The following ARID4A variants were observed in gnomAD, a reference collection of about 807,000 sequenced individuals.
ARID4A encodes the protein AT-rich interaction domain 4A, also known as AT-rich interactive domain-containing protein 4A.
In ARID4A, 39 loss-of-function variants were observed where a neutral mutation model predicts 148.6. The observed-to-expected ratio is 0.26, with a 90% CI of 0.20 to 0.34. The LOEUF is 0.34. Ranked by LOEUF, ARID4A falls within the 10% of genes least tolerant of loss-of-function variation. ARID4A has a pLI of 1.00. For missense variants in ARID4A, 1,265 were observed against 1,449.1 expected, an observed-to-expected ratio of 0.87 and a Z score of 2.06; for synonymous variants, 475 against 481.2, an observed-to-expected ratio of 0.99 and a Z score of 0.17.
intron 5 of ARID4A, among the ~76,000 whole-genome samples, chr14:58,314,475 T>A (rs2032271222): frequency 6.6e-6 from 1 of 152,346 alleles, no homozygotes; most frequent in East Asian, 1.9e-4. Context: ...TTGCCCAGGC[T>A]GGACTGCAGT....
chr14:58,358,793 T>C (rs375836285), intron 17 of ARID4A, among the ~76,000 whole-genome samples: 3 of 152,338 alleles, frequency 2.0e-5, no homozygotes, highest in Admixed American at 2.0e-4. Flanking sequence ...ACGAATTCTA[T>C]TGCAGATCTG....
At chr14:58,359,288 A>G (rs2035028368) in intron 18 of ARID4A, 72 bp downstream of exon 18, 1 of 1,419,182 alleles carries the variant, frequency 7.0e-7, no homozygotes. Flanking sequence ...GTTTTTTAAG[A>G]CTTTAAGAAC....
chr14:58,312,312 G>C (rs1234824706), intron 5 of ARID4A, among the ~76,000 whole-genome samples: 1 of 151,690 alleles, frequency 6.6e-6, no homozygotes, highest in Non-Finnish European at 1.5e-5. Context: ...CACCTCCCAG[G>C]TTCAAATGAT....
rs983746501 is a variant in ARID4A at position 58,300,693 on chromosome 14, A to G, written c.6+833A>G. Among the ~76,000 whole-genome samples, 3 of 152,156 alleles carry G rather than the reference A, an allele frequency of 2.0e-5. No individual in the cohort carries two copies. The South Asian group carries it at 6.2e-4, about 31-fold the overall frequency. ...TCTTTAATATTACTTGGGAAAACTTATTAGAAAACAAAAAATCATTTTCTA... is the reference window on the plus strand; with the variant it reads ...TCTTTAATATTACTTGGGAAAACTTGTTAGAAAACAAAAAATCATTTTCTA... On this transcript the variant is annotated intron_variant, in intron 2 of 23. Transcript: ENST00000355431.
intron 11 of ARID4A, among the ~76,000 whole-genome samples, chr14:58,342,851 T>C (rs2034179363): frequency 6.6e-6 from 1 of 152,022 alleles, no homozygotes. Flanking sequence ...AGGCAGAGGG[T>C]TGCACTGAGC....
At position 58,365,022 on chromosome 14, in the gene ARID4A, T is replaced by C. The variant is rs1237933036; in HGVS notation, c.2933T>C (p.Val978Ala). The C allele has an allele frequency of 6.2e-6, 10 of 1,614,160 alleles. No homozygotes were observed. Among genetic ancestry groups the C allele is most frequent in the Non-Finnish European group, 7.6e-6 (9 of 1,180,018 alleles). Reference sequence around the variant, plus strand: ...AAGGATAAGACCAGCATTGAGGATGTAGCAGTTGAAAGCTCTGAGTCTAAC... The same window carrying C: ...AAGGATAAGACCAGCATTGAGGATGCAGCAGTTGAAAGCTCTGAGTCTAAC... ...DEKDKTSIEDVAVESSESNSL... is the reference protein window; with the variant it reads ...DEKDKTSIEDAAVESSESNSL... Residue 978 changes from valine to alanine, a missense_variant, in exon 20 of 24, where the codon GTA becomes GCA. Around this residue, in one of 9 missense-constraint regions of ARID4A, gnomAD observed 666 missense variants for 730.9 expected, o/e 0.91. Coordinates refer to ENST00000355431, the MANE Select transcript of ARID4A (RefSeq NM_002892.4).
chr14:58,353,219 A>T (rs1379713239), intron 16 of ARID4A, among the ~76,000 whole-genome samples: 1 of 152,194 alleles, frequency 6.6e-6, no homozygotes, highest in Non-Finnish European at 1.5e-5. Flanking sequence ...TTTTTTACAT[A>T]CAAGGTGGCA....
chr14:58,370,784 T>A (rs1477076521), intron 23 of ARID4A, among the ~76,000 whole-genome samples: 1 of 150,454 alleles, frequency 6.6e-6, no homozygotes. Flanking sequence ...AATTTTTTAG[T>A]TTTTTTTGTA....
Position 58,372,309 on chromosome 14 carries a change from C to T in ARID4A, c.*320C>T. 3.4e-6 allele frequency: 1 copy of T among 290,328 alleles called. No homozygotes were observed. Among genetic ancestry groups the T allele is most frequent in the Non-Finnish European group, 6.4e-6 (1 of 155,284 alleles). 18.0% of individuals were successfully genotyped at this position (290,328 alleles called of 1,614,324 possible). A position where few individuals can be genotyped will look rare whatever the true frequency, so the allele number is the denominator to read the frequency against. Reference sequence around the variant, plus strand: ...TGTATAATAAAGCTTTCAGGTGTTACAGAAATCGTAGACAAGCAAGTGCAC... The same window carrying T: ...TGTATAATAAAGCTTTCAGGTGTTATAGAAATCGTAGACAAGCAAGTGCAC... On this transcript the variant is annotated 3_prime_UTR_variant, in exon 24 of 24. Coordinates refer to ENST00000355431, the MANE Select transcript of ARID4A (RefSeq NM_002892.4).
rs1366425563 is a variant in ARID4A, at chr14:58,329,580, G to A, written c.715G>A (p.Glu239Lys). Reference sequence around the variant, plus strand: ...GGAAGTAGACATTCTCAATCTACCGGAATCTGAGCTCTCCACTAAACCAGG... The same window carrying A: ...GGAAGTAGACATTCTCAATCTACCGAAATCTGAGCTCTCCACTAAACCAGG... The part of the protein sequence containing the change: ...IKEVDILNLP[E>K]SELSTKPGLQ... The change falls in exon 10 of 24, where the codon GAA becomes AAA. Residue 239 changes from glutamate to lysine, a missense_variant. By Grantham distance (56) the Glu-to-Lys change is moderately conservative. Coordinates refer to ENST00000355431, the MANE Select transcript of ARID4A (RefSeq NM_002892.4). 1.2e-6 allele frequency: 2 copies of A among 1,606,300 alleles called. No homozygotes were observed. Among genetic ancestry groups the A allele is most frequent in the South Asian group, 2.2e-5 (2 of 90,876 alleles).
chr14:58,353,532 C>A, intron 16 of ARID4A, 126 bp from the exon 17 acceptor site: 1 of 776,670 alleles, frequency 1.3e-6, no homozygotes, highest in Non-Finnish European at 2.0e-6. Context: ...CCTTCTTCTC[C>A]TCCTCCACTG....
chr14:58,299,221 G>GT (rs1407798260), intron 1 of ARID4A: 37 of 152,996 alleles, frequency 2.4e-4, no homozygotes, highest in Admixed American at 2.2e-3. Flanking sequence ...CCCCACGCGG[G>GT]TCCCCCGGGG....
Position 58,299,667 on chromosome 14 carries a change from C to A in ARID4A, c.-57-131C>A. On this transcript the variant is annotated intron_variant, in intron 1 of 23. Transcript: ENST00000355431. ...TCAGCTCCTGCGTCCTGGCTGCCCT[C>A]GTAAGGGGTCTTGTCCCTTGGCTGG... 4.1e-6 allele frequency: 3 copies of A among 728,524 alleles called. No individual in the cohort carries two copies. In the South Asian group the frequency reaches 5.1e-5, roughly 12 times the overall value. 45.1% of individuals were successfully genotyped at this position (728,524 alleles called of 1,614,324 possible).
intron 11 of ARID4A, among the ~76,000 whole-genome samples, chr14:58,337,186 C>G (rs2033860215): frequency 1.4e-5 from 2 of 141,704 alleles, no homozygotes; most frequent in African/African-American, 5.2e-5. Flanking sequence ...GCCACTGCGC[C>G]CAGCCCCAAA....
intron 2 of ARID4A, among the ~76,000 whole-genome samples, chr14:58,301,324 G>A (rs2031150509): frequency 6.6e-6 from 1 of 151,506 alleles, no homozygotes; most frequent in Admixed American, 6.6e-5. Context: ...GAAAAATTTT[G>A]TATCGAGACA....
chr14:58,303,362 T>C (rs1474641497), intron 3 of ARID4A, among the ~76,000 whole-genome samples: 2 of 152,200 alleles, frequency 1.3e-5, no homozygotes, highest in Non-Finnish European at 1.5e-5. Context: ...ACTACAGTCA[T>C]CCTGCTGCGG....
In ARID4A at chr14:58,308,463, T is replaced by A. The variant is rs570958850; in HGVS notation, c.274+2351T>A. On this transcript the variant is annotated intron_variant, in intron 5 of 23. Transcript: ENST00000355431. ...AAAACAGATTTATTTGGGAGAAAAA[T>A]TCAAAATATTAAAGATTTTTGCACT... Among the ~76,000 whole-genome samples the A allele has an allele frequency of 4.6e-5, 7 of 152,318 alleles. No homozygotes were observed. In the South Asian group the frequency reaches 1.4e-3, roughly 32 times the overall value.
intron 17 of ARID4A, 97 bp downstream of exon 17, chr14:58,353,952 A>G (rs1165597648): frequency 3.7e-6 from 4 of 1,090,510 alleles, no homozygotes; most frequent in East Asian, 2.5e-5. Flanking sequence ...ATAATGGTAC[A>G]TATTTACAAA....
At chr14:58,306,741 T>C (rs1302537689) in intron 5 of ARID4A, among the ~76,000 whole-genome samples, 1 of 152,106 alleles carries the variant, frequency 6.6e-6, no homozygotes, top group Non-Finnish European at 1.5e-5. Flanking sequence ...AGCCTGGTAT[T>C]AGTGGTGCAT....
Sources: allele counts gnomAD v4.1 joint callset (sites outside exome capture counted in the v4.1 genomes callset), GRCh38; gene constraint gnomAD v4.1.1; regional missense constraint gnomAD v4.1.1; transcripts MANE v1.5; gene names NCBI Gene and HGNC (gene_info 2026-07-23, HGNC 2026-07-21).